The following TMEM143 variants were observed in gnomAD, a reference collection of about 807,000 sequenced individuals.
TMEM143 encodes transmembrane protein 143.
In TMEM143, 45 loss-of-function variants were observed where a neutral mutation model predicts 40.3. The observed-to-expected ratio is 1.12, with a 90% CI of 0.88 to 1.43. The LOEUF (loss-of-function observed/expected upper bound fraction) is 1.43. TMEM143 is among the 40% of genes most tolerant of loss of function. The pLI, the probability that TMEM143 is intolerant of heterozygous loss-of-function variation, is 0.00. For missense variants in TMEM143, 620 were observed against 613.4 expected, an observed-to-expected ratio of 1.01 and a Z score of -0.11; for synonymous variants, 299 against 282.7, an observed-to-expected ratio of 1.06 and a Z score of -0.58.
chr19:48,350,233 G>A (rs575957137), intron 3 of TMEM143, among the ~76,000 whole-genome samples: 32 of 151,122 alleles, frequency 2.1e-4, no homozygotes, highest in African/African-American at 6.1e-4. Context: ...GGCTGGTCTC[G>A]AACTCCTGAC....
In TMEM143 at chr19:48,343,392, G is replaced by T; in HGVS notation, c.624C>A (p.Val208=). The stretch of plus-strand genomic sequence containing the variant: ...CGCTGGACTTCAGGGGCATCTGCCC[G>T]ACTCGCTGGCCCAGGGCCCAGAAGT... ...YIHFWALGQR[V]GQMPLKSSVG... Residue 208 remains valine (V), a synonymous_variant, in exon 5 of 8, where the codon GTC becomes GTA. Coordinates refer to ENST00000293261, the MANE Select transcript of TMEM143 (RefSeq NM_018273.4). 6.2e-7 allele frequency: 1 copy of T among 1,602,378 alleles called. No homozygotes were observed. Among genetic ancestry groups the T allele is most frequent in the East Asian group, 2.3e-5 (1 of 44,436 alleles).
chr19:48,333,402 C>T lies in TMEM143; in HGVS notation c.1197G>A (p.Glu399=). ...AGCCTGACTTGGCTAGGAGCCAGTT[C>T]TCCACCTCCGACCGGAGCCACCTGG... ...ETSRWLRSEV[E]NWLLAKSGCE... Residue 399 remains glutamate, a synonymous_variant, in exon 8 of 8, where the codon GAG becomes GAA. Coordinates refer to ENST00000293261, the MANE Select transcript of TMEM143 (RefSeq NM_018273.4). The surrounding 1 kb of genome is among the most constrained non-coding windows in gnomAD (Gnocchi z 4.1). 1 of 1,603,814 alleles carries T rather than the reference C, an allele frequency of 6.2e-7. No individual in the cohort carries two copies. Among genetic ancestry groups the T allele is most frequent in the Non-Finnish European group, 8.5e-7 (1 of 1,173,298 alleles).
rs1228232006 is a variant in TMEM143, at chr19:48,333,291, G to A, written c.1308C>T (p.Phe436=). 5.7e-6 allele frequency: 9 copies of A among 1,573,726 alleles called. No homozygotes were observed. The highest frequency in any genetic ancestry group is 6.1e-6 in the Non-Finnish European group (7 of 1,153,924). ...TCGGAGCCACTGGGTCTAGTTTGGG[G>A]AAACCCGGGGGTGGGTACAATCCCA... The part of the protein sequence containing the change: ...PSMGLYPPPG[F]PKLDPVAPIT... Residue 436 remains phenylalanine (F), a synonymous_variant, in exon 8 of 8, where the codon TTC becomes TTT. Coordinates refer to ENST00000293261, the MANE Select transcript of TMEM143 (RefSeq NM_018273.4). This position sits in a 1 kb window ranked among gnomAD's most constrained non-coding sequence, Gnocchi z 4.1.
Position 48,334,498 on chromosome 19 carries a change from TTC to T in TMEM143, c.976-303_976-302del, listed in dbSNP as rs1296527061. 1.9e-4 allele frequency among the ~76,000 whole-genome samples: 23 copies of T among 118,546 alleles called. No individual in the cohort carries two copies. The South Asian group carries it at 4.8e-3, about 25-fold the overall frequency. 77.8% of individuals were successfully genotyped at this position (118,546 alleles called of 152,430 possible). On this transcript the variant is annotated intron_variant, in intron 6 of 7. Transcript: ENST00000293261. ...TCTTTCTTTTTCTTTCTTTCTTTCG[TTC>T]TTTCTTTCTTTTCTTTCTTTCTCTT...
At chr19:48,341,062 G>A (rs1569026241) in intron 6 of TMEM143, among the ~76,000 whole-genome samples, 1 of 152,314 alleles carries the variant, frequency 6.6e-6, no homozygotes, top group East Asian at 1.9e-4. Flanking sequence ...TTTATTACCA[G>A]CCTTCCTAAG....
Position 48,363,286 on chromosome 19 carries a change from G to A in TMEM143, c.264+5C>T. On this transcript the variant is annotated splice_donor_5th_base_variant and intron_variant, in intron 2 of 7. Coordinates refer to ENST00000293261, the MANE Select transcript of TMEM143 (RefSeq NM_018273.4). ...CCAGGCTCTTGGGCCTGGGACAGGC[G>A]GTACCTGTATTAGGAGGCGGAGCAG... 2 of 1,612,348 alleles carry A rather than the reference G, an allele frequency of 1.2e-6. No individual in the cohort carries two copies. Among genetic ancestry groups the A allele is most frequent in the East Asian group, 2.2e-5 (1 of 44,874 alleles).
At chr19:48,346,101 CT>C (rs927376956) in intron 3 of TMEM143, among the ~76,000 whole-genome samples, 6 of 136,986 alleles carry the variant, frequency 4.4e-5, no homozygotes, top group Non-Finnish European at 7.9e-5. Flanking sequence ...TTTTCTTTCT[CT>C]TTTTTTTGAG....
rs1185040467 is a variant in TMEM143 at position 48,345,093 on chromosome 19, C to T, written c.564+67G>A. ...GGACTACAACTCCCAGCAGCCCATG[C>T]CTCTCAGAGGCTCTGCCCCACCCTA... is the stretch of plus-strand genomic sequence containing the variant. On this transcript the variant is annotated intron_variant, in intron 4 of 7. Transcript: ENST00000293261. 33 of 1,537,402 alleles carry T rather than the reference C, an allele frequency of 2.1e-5. No individual in the cohort carries two copies. In the East Asian group the frequency reaches 6.5e-4, roughly 30 times the overall value.
At chr19:48,362,049 T>A (rs1351039695) in intron 2 of TMEM143, among the ~76,000 whole-genome samples, 1 of 147,622 alleles carries the variant, frequency 6.8e-6, no homozygotes, top group Non-Finnish European at 1.5e-5. Flanking sequence ...TTTGTGTGCA[T>A]ATATTTGTGT....
At chr19:48,341,243 C>A (rs747057024) in intron 6 of TMEM143, among the ~76,000 whole-genome samples, 1 of 152,212 alleles carries the variant, frequency 6.6e-6, no homozygotes, top group Non-Finnish European at 1.5e-5. Flanking sequence ...AGACAGGACA[C>A]GCATTTTGGC....
Position 48,363,895 on chromosome 19 carries a change from C to T in TMEM143, c.23+3G>A. 1 of 1,613,954 alleles carries T rather than the reference C, an allele frequency of 6.2e-7. No homozygotes were observed. Among genetic ancestry groups the T allele is most frequent in the South Asian group, 1.1e-5 (1 of 91,072 alleles). On this transcript the variant is annotated splice_donor_region_variant and intron_variant, in intron 1 of 7. Coordinates refer to ENST00000293261, the MANE Select transcript of TMEM143 (RefSeq NM_018273.4). ...CCATGCAATCCCCCGATTTCTCCCT[C>T]ACCTTAGCCAAAGCTCGACTGTCAT...
intron 3 of TMEM143, among the ~76,000 whole-genome samples, chr19:48,359,515 T>G (rs1466310985): frequency 3.6e-5 from 3 of 82,890 alleles, no homozygotes; most frequent in East Asian, 4.1e-4. Flanking sequence ...CTTTGTTTTT[T>G]TTTTTTTTTT....
At chr19:48,349,621 G>A (rs1300935996) in intron 3 of TMEM143, among the ~76,000 whole-genome samples, 1 of 152,048 alleles carries the variant, frequency 6.6e-6, no homozygotes, top group African/African-American at 2.4e-5. Flanking sequence ...ACTCCAGCCT[G>A]GACAACAGAG....
chr19:48,353,355 T>C (rs1969817638), intron 3 of TMEM143, among the ~76,000 whole-genome samples: 2 of 151,512 alleles, frequency 1.3e-5, no homozygotes, highest in South Asian at 4.2e-4. Context: ...AATTTTTTTT[T>C]TGTATTTTAG....
rs1969281516 is a variant in TMEM143, at chr19:48,334,033, T to C, written c.1140A>G (p.Pro380=). ...CTTCGGGCGAGCCTTGAGTGCCCCC[T>C]GGCCGCCGGGCCAGGAAGCTGTGAG... The part of the protein sequence containing the change: ...LLAHSFLARR[P]GGTQGSPEET... The change falls in exon 7 of 8, where the codon CCA becomes CCG. Residue 380 remains proline, a synonymous_variant. Coordinates refer to ENST00000293261, the MANE Select transcript of TMEM143 (RefSeq NM_018273.4). 1.3e-6 allele frequency: 2 copies of C among 1,564,334 alleles called. No individual in the cohort carries two copies. The highest frequency in any genetic ancestry group is 1.7e-6 in the Non-Finnish European group (2 of 1,157,722).
At chr19:48,358,708 T>C (rs1272855525) in intron 3 of TMEM143, among the ~76,000 whole-genome samples, 1 of 152,232 alleles carries the variant, frequency 6.6e-6, no homozygotes, top group Non-Finnish European at 1.5e-5. Flanking sequence ...GAGCTTCCAT[T>C]ATCTCTCCCC....
intron 3 of TMEM143, among the ~76,000 whole-genome samples, chr19:48,346,771 T>G (rs752708969): frequency 6.6e-6 from 1 of 151,880 alleles, no homozygotes; most frequent in African/African-American, 2.4e-5. Context: ...GGAGATGAGG[T>G]TTCACCATGT....
At position 48,333,900 on chromosome 19, in the gene TMEM143, AACCCGTCAGGTTC is replaced by A. The variant is rs1969276426; in HGVS notation, c.1165+95_1165+107del. On this transcript the variant is annotated intron_variant, in intron 7 of 7. Transcript: ENST00000293261. This position sits in a 1 kb window ranked among gnomAD's most constrained non-coding sequence, Gnocchi z 4.1. ...TGCTGAGGGCCGGGGTCTCTTCGCA[AACCCGTCAGGTTC>A]ACCCGTGGGAACTGGGGGTGGGGAC... 1 of 1,267,044 alleles carries A rather than the reference AACCCGTCAGGTTC, an allele frequency of 7.9e-7. No individual in the cohort carries two copies. Among genetic ancestry groups the A allele is most frequent in the Non-Finnish European group, 1.1e-6 (1 of 946,990 alleles). The allele number at this position is 1,267,044 out of a possible 1,614,324, so 78.5% of individuals were successfully genotyped here. A position where few individuals can be genotyped will look rare whatever the true frequency, so the allele number is the denominator to read the frequency against.
intron 3 of TMEM143, among the ~76,000 whole-genome samples, chr19:48,346,201 C>T (rs1477953318): frequency 1.3e-5 from 2 of 152,036 alleles, no homozygotes; most frequent in Non-Finnish European, 2.9e-5. Flanking sequence ...AAGCAGTTCT[C>T]CTGCCTCAGC....
Sources: allele counts gnomAD v4.1 joint callset (sites outside exome capture counted in the v4.1 genomes callset), GRCh38; gene constraint gnomAD v4.1.1; non-coding constraint Gnocchi (gnomAD v3.1); transcripts MANE v1.5; gene names NCBI Gene and HGNC (gene_info 2026-07-23, HGNC 2026-07-21).